Variants in NCAM2 observed in about 807,000 individuals in gnomAD.
NCAM2 encodes neural cell adhesion molecule 2, also known as N-CAM-2.
NCAM2 carries 30 observed loss-of-function variants against 98.1 expected under a neutral mutation model. That is an observed-to-expected ratio of 0.31 (90% CI 0.23 to 0.41). NCAM2 has a LOEUF of 0.41. NCAM2 is among the 10% of genes least tolerant of loss of function. NCAM2 has a pLI of 1.00. For missense variants in NCAM2, 867 were observed against 1,005.8 expected, an observed-to-expected ratio of 0.86 and a Z score of 1.87; for synonymous variants, 368 against 342.4, an observed-to-expected ratio of 1.07 and a Z score of -0.83.
intron 1 of NCAM2, among the ~76,000 whole-genome samples, chr21:21,149,934 A>T (rs2067398960): frequency 6.6e-6 from 1 of 152,080 alleles, no homozygotes; most frequent in Non-Finnish European, 1.5e-5. Context: ...TATAGCCCGT[A>T]ATGGGATTGC....
intron 16 of NCAM2, among the ~76,000 whole-genome samples, chr21:21,523,090 T>C (rs1484967400): frequency 6.6e-6 from 1 of 152,240 alleles, no homozygotes; most frequent in Non-Finnish European, 1.5e-5. Context: ...GGTTATTAAT[T>C]CCTTGTTAAT....
intron 11 of NCAM2, among the ~76,000 whole-genome samples, chr21:21,424,828 C>T (rs1422389494): frequency 1.3e-5 from 2 of 151,482 alleles, no homozygotes; most frequent in Non-Finnish European, 2.9e-5. Flanking sequence ...GGTCAGGAGT[C>T]TGAGACCAGC....
chr21:21,505,088 AT>A (rs1253787529), intron 15 of NCAM2, among the ~76,000 whole-genome samples: 1 of 152,048 alleles, frequency 6.6e-6, no homozygotes, highest in Non-Finnish European at 1.5e-5. Context: ...AAAGATACTT[AT>A]TTTTTCATAA....
chr21:21,416,317 T>C (rs2076992753), intron 10 of NCAM2, among the ~76,000 whole-genome samples: 1 of 152,156 alleles, frequency 6.6e-6, no homozygotes. Flanking sequence ...ACAGTTACAA[T>C]AGTACCATCA....
chr21:21,476,884 A>G (rs1036835557), intron 14 of NCAM2, among the ~76,000 whole-genome samples: 3 of 151,980 alleles, frequency 2.0e-5, no homozygotes, highest in Non-Finnish European at 2.9e-5. Flanking sequence ...AACTTTAACA[A>G]TAGTCCCTGG....
At chr21:21,169,062 A>G (rs547045898) in intron 1 of NCAM2, among the ~76,000 whole-genome samples, 111 of 152,296 alleles carry the variant, frequency 7.3e-4, no homozygotes, top group Non-Finnish European at 1.4e-3. Flanking sequence ...TGCAGTACAG[A>G]CAGTGTTGTT....
At position 21,530,243 on chromosome 21, in the gene NCAM2, ATTAAT is replaced by A. The variant is rs1989583059; in HGVS notation, c.2283-4292_2283-4288del. Reference sequence around the variant, plus strand: ...ATTTAATTATATATATTTAATTTAAATTAATTATATATAATTTAATTTAATTATAT... The same window carrying A: ...ATTTAATTATATATATTTAATTTAAATATATATAATTTAATTTAATTATAT... On this transcript the variant is annotated intron_variant, in intron 16 of 17. Coordinates refer to ENST00000400546, the MANE Select transcript of NCAM2 (RefSeq NM_004540.5). Among the ~76,000 whole-genome samples, 8 of 52,738 alleles carry A rather than the reference ATTAAT, an allele frequency of 1.5e-4. 1 individual carries two copies. The Admixed American group carries it at 1.7e-3, about 11-fold the overall frequency. The allele number at this position is 52,738 out of a possible 152,430, so 34.6% of individuals were successfully genotyped here. A position where few individuals can be genotyped will look rare whatever the true frequency, so the allele number is the denominator to read the frequency against.
At chr21:21,488,057 T>C (rs1412069215) in intron 15 of NCAM2, among the ~76,000 whole-genome samples, 1 of 152,146 alleles carries the variant, frequency 6.6e-6, no homozygotes, top group African/African-American at 2.4e-5. Context: ...ATGTAAACAT[T>C]TTAAATATGC....
chr21:21,469,930 G>T (rs1407742082), intron 14 of NCAM2, among the ~76,000 whole-genome samples: 1 of 151,948 alleles, frequency 6.6e-6, no homozygotes. Context: ...AGGGAGGTAG[G>T]CTTGGCCAGA....
intron 1 of NCAM2, among the ~76,000 whole-genome samples, chr21:21,135,205 C>T (rs1374407101): frequency 6.7e-6 from 1 of 148,746 alleles, no homozygotes; most frequent in East Asian, 2.0e-4. Context: ...AAGATTGCGC[C>T]ACTGCACTCC....
At chr21:21,091,406 A>AT (rs1215061609) in intron 1 of NCAM2, among the ~76,000 whole-genome samples, 2 of 151,912 alleles carry the variant, frequency 1.3e-5, no homozygotes, top group African/African-American at 4.8e-5. Flanking sequence ...CTTTTTTTCA[A>AT]TTTTTTTAAT....
intron 1 of NCAM2, among the ~76,000 whole-genome samples, chr21:21,194,945 A>T (rs142272171): frequency 6.6e-6 from 1 of 152,258 alleles, no homozygotes; most frequent in African/African-American, 2.4e-5. Flanking sequence ...CCATCACTTC[A>T]GTCTCTGCTT....
intron 4 of NCAM2, chr21:21,290,251 A>G (rs2073244095): frequency 6.6e-6 from 1 of 151,954 alleles, no homozygotes. Context: ...GTATTTTAGA[A>G]AGTTAGAAAA....
At chr21:21,011,518 A>C (rs2064210668) in intron 1 of NCAM2, among the ~76,000 whole-genome samples, 1 of 152,024 alleles carries the variant, frequency 6.6e-6, no homozygotes, top group Admixed American at 6.6e-5. Flanking sequence ...GTACGTATGT[A>C]TTGTGAAATT....
At chr21:21,106,774 C>G (rs1662761335) in intron 1 of NCAM2, among the ~76,000 whole-genome samples, 1 of 151,880 alleles carries the variant, frequency 6.6e-6, no homozygotes, top group African/African-American at 2.4e-5. Flanking sequence ...ATAACCGCTA[C>G]AGATTTAGTA....
At position 21,507,115 on chromosome 21, in the gene NCAM2, A is replaced by T. The variant is rs192144875; in HGVS notation, c.2078-1736A>T. On this transcript the variant is annotated intron_variant, in intron 15 of 17. Coordinates refer to ENST00000400546, the MANE Select transcript of NCAM2 (RefSeq NM_004540.5). ...TAACTTAAACCTATTTTTTGAAAAA[A>T]AAAATAAAATAATGTAGACATGACA... is the stretch of plus-strand genomic sequence containing the variant. Among the ~76,000 whole-genome samples, 498 of 152,060 alleles carry T rather than the reference A, an allele frequency of 3.3e-3. 4 individuals carry two copies. Among genetic ancestry groups the T allele is most frequent in the African/African-American group, 0.011 (442 of 41,520 alleles).
chr21:21,070,905 A>AT (rs1352214250), intron 1 of NCAM2, among the ~76,000 whole-genome samples: 2 of 152,218 alleles, frequency 1.3e-5, no homozygotes, highest in East Asian at 3.9e-4. Flanking sequence ...TTGAAGAAAA[A>AT]TTAATAATTT....
At chr21:21,498,110 A>G (rs1023461520) in intron 15 of NCAM2, among the ~76,000 whole-genome samples, 16 of 152,128 alleles carry the variant, frequency 1.1e-4, no homozygotes, top group African/African-American at 3.6e-4. Context: ...AAGAGTTCCA[A>G]TGAACTCATT....
chr21:21,163,997 G>T, intron 1 of NCAM2, among the ~76,000 whole-genome samples: 1 of 152,130 alleles, frequency 6.6e-6, no homozygotes, highest in Non-Finnish European at 1.5e-5. Flanking sequence ...AATTAATAAC[G>T]ATTCCTGGAA....
Sources: gnomAD v4.1 joint callset for allele counts (sites outside exome capture counted in the v4.1 genomes callset) on GRCh38, gnomAD v4.1.1 for gene constraint, MANE v1.5 for transcripts, NCBI Gene and HGNC (gene_info 2026-07-23, HGNC 2026-07-21) for gene names.